Variants in CHSY3 observed in about 807,000 individuals in gnomAD.
The protein encoded by CHSY3 is N-acetylgalactosaminyl-proteoglycan 3-beta-glucuronosyltransferase 3.
CHSY3 carries 35 observed loss-of-function variants against 67.2 expected under a neutral mutation model. The observed-to-expected ratio is 0.52, with a 90% CI of 0.40 to 0.69. The LOEUF (loss-of-function observed/expected upper bound fraction) is 0.69. Ranked by LOEUF, CHSY3 falls within the 30% of genes least tolerant of loss-of-function variation. The pLI, the probability that CHSY3 is intolerant of heterozygous loss-of-function variation, is 0.00. For synonymous variants in CHSY3, 474 were observed against 434.7 expected (o/e 1.09, Z -1.12); for missense variants, 1,069 against 1,138.5 (o/e 0.94, Z 0.88).
rs1554070946 is a variant in CHSY3 at position 129,932,140 on chromosome 5, A to ATATG, written c.1086+23784_1086+23787dup. Among the ~76,000 whole-genome samples, 274 of 136,324 alleles carry ATATG rather than the reference A, an allele frequency of 2.0e-3. 2 individuals carry two copies. Among genetic ancestry groups the ATATG allele is most frequent in the African/African-American group, 7.0e-3 (238 of 33,908 alleles). 89.4% of individuals were successfully genotyped at this position (136,324 alleles called of 152,430 possible). On this transcript the variant is annotated intron_variant, in intron 2 of 2. Transcript: ENST00000305031. Reference sequence around the variant, plus strand: ...TATATATATATATATATATATATATATATGTATATGAGAGTTAGCTATCTA... The same window carrying ATATG: ...TATATATATATATATATATATATATATATGTATGTATATGAGAGTTAGCTATCTA...
chr5:130,141,704 T>C, intron 2 of CHSY3: 2 of 520,204 alleles, frequency 3.8e-6, no homozygotes, highest in South Asian at 1.4e-5. Context: ...CAAGGCAAGA[T>C]TAACGTTGAG....
At chr5:130,128,520 G>A (rs1393474919) in intron 2 of CHSY3, among the ~76,000 whole-genome samples, 1 of 151,360 alleles carries the variant, frequency 6.6e-6, no homozygotes, top group Non-Finnish European at 1.5e-5. Context: ...TGAGGGGAGA[G>A]GGAAATGGGG....
intron 2 of CHSY3, chr5:130,141,495 C>T: frequency 2.7e-6 from 1 of 370,336 alleles, no homozygotes; most frequent in Non-Finnish European, 5.3e-6. Flanking sequence ...TCTCTTGTGG[C>T]CCAGAGTAAG....
At chr5:130,160,720 A>T (rs184244143) in intron 2 of CHSY3, among the ~76,000 whole-genome samples, 1 of 152,170 alleles carries the variant, frequency 6.6e-6, no homozygotes, top group African/African-American at 2.4e-5. Flanking sequence ...TAGGTTTAGG[A>T]CAGTTCTAAT....
intron 2 of CHSY3, among the ~76,000 whole-genome samples, chr5:130,039,639 A>T (rs1764955158): frequency 6.6e-6 from 1 of 152,142 alleles, no homozygotes; most frequent in Non-Finnish European, 1.5e-5. Flanking sequence ...AGCTGGCACT[A>T]CATGCCAGGC....
intron 2 of CHSY3, among the ~76,000 whole-genome samples, chr5:130,036,466 C>CTGTAA (rs1764866043): frequency 6.6e-6 from 1 of 152,098 alleles, no homozygotes; most frequent in African/African-American, 2.4e-5. Context: ...GGCTTGGATG[C>CTGTAA]TGTAAATGCT....
intron 2 of CHSY3, among the ~76,000 whole-genome samples, chr5:130,161,061 C>T (rs530289232): frequency 5.9e-5 from 9 of 151,828 alleles, no homozygotes; most frequent in East Asian, 1.9e-4. Context: ...CCTACCACCA[C>T]GCCCATCTAA....
intron 2 of CHSY3, among the ~76,000 whole-genome samples, chr5:129,946,582 C>G (rs890694689): frequency 6.6e-6 from 1 of 151,826 alleles, no homozygotes; most frequent in Admixed American, 6.6e-5. Flanking sequence ...AGGTTTATAC[C>G]CTTTGACCAG....
chr5:129,961,725 T>C (rs1456669610), intron 2 of CHSY3, among the ~76,000 whole-genome samples: 1 of 151,968 alleles, frequency 6.6e-6, no homozygotes, highest in Non-Finnish European at 1.5e-5. Flanking sequence ...GGTCCACAAT[T>C]TGAGTAACCT....
chr5:129,905,382 G>A lies in CHSY3; in HGVS notation c.553G>A (p.Gly185Ser). The change falls in exon 1 of 3, where the codon GGC becomes AGC. Residue 185 changes from glycine (G) to serine (S), a missense_variant. Coordinates refer to ENST00000305031, the MANE Select transcript of CHSY3 (RefSeq NM_175856.5). ...GGTGATGACCGCGCAGAAGTACCTG[G>A]GCAGCCGCGCGCTGGCCGCGCAGCG... The part of the protein sequence containing the change: ...VGVMTAQKYL[G>S]SRALAAQRTW... 1 of 1,597,246 alleles carries A rather than the reference G, an allele frequency of 6.3e-7. No individual in the cohort carries two copies. Among genetic ancestry groups the A allele is most frequent in the Non-Finnish European group, 8.5e-7 (1 of 1,173,886 alleles).
chr5:129,929,341 C>A (rs139040289), intron 2 of CHSY3, among the ~76,000 whole-genome samples: 1 of 152,150 alleles, frequency 6.6e-6, no homozygotes, highest in Non-Finnish European at 1.5e-5. Flanking sequence ...TTTTCATTTT[C>A]GGTAGAAACA....
chr5:129,945,448 ATACT>A (rs577884524), intron 2 of CHSY3, among the ~76,000 whole-genome samples: 15 of 152,334 alleles, frequency 9.8e-5, no homozygotes, highest in East Asian at 1.9e-4. Context: ...ACAAAATCAA[ATACT>A]TAATTTATAA....
At chr5:130,117,293 G>T (rs985376991) in intron 2 of CHSY3, among the ~76,000 whole-genome samples, 2 of 152,230 alleles carry the variant, frequency 1.3e-5, no homozygotes, top group African/African-American at 4.8e-5. Flanking sequence ...TCTACACTAA[G>T]GAACCATGGG....
At chr5:130,032,653 C>A (rs889708487) in intron 2 of CHSY3, among the ~76,000 whole-genome samples, 6 of 152,192 alleles carry the variant, frequency 3.9e-5, no homozygotes, top group Non-Finnish European at 8.8e-5. Context: ...TTTCAGTAGA[C>A]CACTCTGAGG....
At chr5:130,056,039 G>A (rs1765521415) in intron 2 of CHSY3, among the ~76,000 whole-genome samples, 1 of 152,094 alleles carries the variant, frequency 6.6e-6, no homozygotes, top group African/African-American at 2.4e-5. Flanking sequence ...ATTCTCCTTT[G>A]TGGAAGAGGT....
chr5:130,167,968 C>T (rs1460572409), intron 2 of CHSY3, among the ~76,000 whole-genome samples: 1 of 152,048 alleles, frequency 6.6e-6, no homozygotes, highest in Non-Finnish European at 1.5e-5. Flanking sequence ...CAAAACCAAA[C>T]CTGTGACTCC....
intron 2 of CHSY3, among the ~76,000 whole-genome samples, chr5:130,121,742 A>G (rs1013345675): frequency 2.0e-5 from 3 of 152,252 alleles, no homozygotes; most frequent in Non-Finnish European, 4.4e-5. Flanking sequence ...CATTGGTGAT[A>G]GAAAAACAAT....
At chr5:130,120,296 T>A (rs1348178820) in intron 2 of CHSY3, among the ~76,000 whole-genome samples, 1 of 152,050 alleles carries the variant, frequency 6.6e-6, no homozygotes, top group Non-Finnish European at 1.5e-5. Flanking sequence ...TTTTTTCTTT[T>A]ATTGCTACCA....
At chr5:129,952,905 T>C (rs1762063818) in intron 2 of CHSY3, among the ~76,000 whole-genome samples, 1 of 152,210 alleles carries the variant, frequency 6.6e-6, no homozygotes, top group African/African-American at 2.4e-5. Context: ...TTTTTAAAAT[T>C]GTATGGCAAA....
Sources: gnomAD v4.1 joint callset for allele counts (sites outside exome capture counted in the v4.1 genomes callset) on GRCh38, gnomAD v4.1.1 for gene constraint, MANE v1.5 for transcripts, NCBI Gene and HGNC (gene_info 2026-07-23, HGNC 2026-07-21) for gene names.